The following OLFM2 variants were observed in gnomAD, a reference collection of about 807,000 sequenced individuals.
OLFM2 encodes the protein noelin-2.
In OLFM2, 20 loss-of-function variants were observed where a neutral mutation model predicts 43.9. That is an observed-to-expected ratio of 0.46 (90% CI 0.32 to 0.66). The LOEUF (loss-of-function observed/expected upper bound fraction) is 0.66. Among genes scored for constraint, OLFM2 ranks in the 30% least tolerant of loss-of-function variants. OLFM2 has a pLI of 0.04. For missense variants in OLFM2, 416 were observed against 643.6 expected, an observed-to-expected ratio of 0.65 and a Z score of 3.83; for synonymous variants, 268 against 278.6, an observed-to-expected ratio of 0.96 and a Z score of 0.38.
Position 9,854,893 on chromosome 19 carries a change from G to C in OLFM2, c.688-30C>G. ...GGTAGCAGCCGCTGGTCACTGGGGG[G>C]AACCACCACCAACGACCCAAGGGTC... On this transcript the variant is annotated intron_variant, in intron 5 of 5. Coordinates refer to ENST00000264833, the MANE Select transcript of OLFM2 (RefSeq NM_058164.4). This position sits in a 1 kb window ranked among gnomAD's most constrained non-coding sequence, Gnocchi z 9.5. The C allele has an allele frequency of 6.6e-7, 1 of 1,515,532 alleles. No individual in the cohort carries two copies. The allele number at this position is 1,515,532 out of a possible 1,614,324, so 93.9% of individuals were successfully genotyped here. A position where few individuals can be genotyped will look rare whatever the true frequency, so the allele number is the denominator to read the frequency against.
In OLFM2 at chr19:9,853,923, C is replaced by G; in HGVS notation, c.*263G>C. The G allele has an allele frequency of 1.7e-6, 1 of 577,072 alleles. No individual in the cohort carries two copies. Among genetic ancestry groups the G allele is most frequent in the Non-Finnish European group, 3.0e-6 (1 of 328,032 alleles). 35.7% of individuals were successfully genotyped at this position (577,072 alleles called of 1,614,324 possible). A position where few individuals can be genotyped will look rare whatever the true frequency, so the allele number is the denominator to read the frequency against. ...GCAGAGACGGAAAGAACTGGAGAAC[C>G]AGAGCCATAAAAAGAAAAAGACATC... is the stretch of plus-strand genomic sequence containing the variant. On this transcript the variant is annotated 3_prime_UTR_variant, in exon 6 of 6. Coordinates refer to ENST00000264833, the MANE Select transcript of OLFM2 (RefSeq NM_058164.4).
chr19:9,876,227 C>T (rs908995651), intron 1 of OLFM2, among the ~76,000 whole-genome samples: 2 of 152,152 alleles, frequency 1.3e-5, no homozygotes, highest in Admixed American at 6.5e-5. Context: ...TGGGGCTGGG[C>T]GCTTTGGCCG....
At chr19:9,914,078 C>A (rs1599497880) in intron 1 of OLFM2, among the ~76,000 whole-genome samples, 3 of 150,562 alleles carry the variant, frequency 2.0e-5, no homozygotes, top group African/African-American at 7.3e-5. Flanking sequence ...CGCCCCCCAA[C>A]GGTATTCCCG....
intron 1 of OLFM2, among the ~76,000 whole-genome samples, chr19:9,915,652 G>T (rs1197270690): frequency 2.0e-5 from 3 of 151,948 alleles, no homozygotes; most frequent in African/African-American, 4.8e-5. Context: ...CGAGTAGCTG[G>T]GACTACAGGC....
At chr19:9,931,844 T>C (rs1191162874) in intron 1 of OLFM2, among the ~76,000 whole-genome samples, 2 of 152,134 alleles carry the variant, frequency 1.3e-5, no homozygotes, top group Non-Finnish European at 2.9e-5. Flanking sequence ...GCTGGGATCA[T>C]AGGTATCAGC....
chr19:9,897,424 G>T (rs996020844), intron 1 of OLFM2, among the ~76,000 whole-genome samples: 1 of 152,090 alleles, frequency 6.6e-6, no homozygotes, highest in Non-Finnish European at 1.5e-5. Context: ...CTGAGCCTAG[G>T]GAGGTTGAGG....
intron 1 of OLFM2, among the ~76,000 whole-genome samples, chr19:9,930,741 C>G (rs1160178847): frequency 6.6e-6 from 1 of 151,582 alleles, no homozygotes; most frequent in African/African-American, 2.4e-5. Flanking sequence ...ATAATCCCAG[C>G]TACTCGAGAG....
At position 9,857,021 on chromosome 19, in the gene OLFM2, G is replaced by A; in HGVS notation, c.581-108C>T. The A allele has an allele frequency of 1.0e-6, 1 of 999,570 alleles. No homozygotes were observed. The highest frequency in any genetic ancestry group is 2.6e-5 in the East Asian group (1 of 37,990). 61.9% of individuals were successfully genotyped at this position (999,570 alleles called of 1,614,324 possible). A position where few individuals can be genotyped will look rare whatever the true frequency, so the allele number is the denominator to read the frequency against. ...AGTTGGGAAAGCTGGGACCAGGGAT[G>A]AGGGAAGACTCAAAAATCTGGTCCC... On this transcript the variant is annotated intron_variant, in intron 4 of 5. Coordinates refer to ENST00000264833, the MANE Select transcript of OLFM2 (RefSeq NM_058164.4). This position sits in a 1 kb window ranked among gnomAD's most constrained non-coding sequence, Gnocchi z 5.7.
At chr19:9,888,142 A>G (rs1169733602) in intron 1 of OLFM2, among the ~76,000 whole-genome samples, 2 of 152,040 alleles carry the variant, frequency 1.3e-5, no homozygotes, top group Non-Finnish European at 2.9e-5. Context: ...TTTCTTCTAT[A>G]TCACCTCTTT....
rs551185992 is a variant in OLFM2 at position 9,889,081 on chromosome 19, A to G, written c.64-28287T>C. Among the ~76,000 whole-genome samples the G allele has an allele frequency of 1.9e-4, 29 of 151,776 alleles. No individual in the cohort carries two copies. In the South Asian group the frequency reaches 5.4e-3, roughly 28 times the overall value. On this transcript the variant is annotated intron_variant, in intron 1 of 5. Coordinates refer to ENST00000264833, the MANE Select transcript of OLFM2 (RefSeq NM_058164.4). ...ACTCCGTCTCAAAAAAAAAAAAACA[A>G]TTCTGCACAACAACCATATGAGGTA...
At chr19:9,898,943 G>A (rs2046708588) in intron 1 of OLFM2, among the ~76,000 whole-genome samples, 1 of 152,084 alleles carries the variant, frequency 6.6e-6, no homozygotes, top group African/African-American at 2.4e-5. Flanking sequence ...TAAATAATGT[G>A]AATCAGATCA....
intron 1 of OLFM2, among the ~76,000 whole-genome samples, chr19:9,882,099 T>A (rs8106683): frequency 6.6e-6 from 1 of 151,900 alleles, no homozygotes; most frequent in Non-Finnish European, 1.5e-5. Context: ...ATTAGCCAGG[T>A]GTGGTGGCTC....
In OLFM2 at chr19:9,856,927, A is replaced by G; in HGVS notation, c.581-14T>C. On this transcript the variant is annotated splice_polypyrimidine_tract_variant and intron_variant, in intron 4 of 5. Coordinates refer to ENST00000264833, the MANE Select transcript of OLFM2 (RefSeq NM_058164.4). This position sits in a 1 kb window ranked among gnomAD's most constrained non-coding sequence, Gnocchi z 4.0. The stretch of plus-strand genomic sequence containing the variant: ...GCTTCCCACAGCCTGGGAGGCAGGA[A>G]CAGGGGGAATGAGGATGGGGAAATG... 10 of 1,588,020 alleles carry G rather than the reference A, an allele frequency of 6.3e-6. No individual in the cohort carries two copies. The highest frequency in any genetic ancestry group is 8.6e-6 in the Non-Finnish European group (10 of 1,163,264).
intron 1 of OLFM2, among the ~76,000 whole-genome samples, chr19:9,869,090 A>G (rs888528064): frequency 1.3e-5 from 2 of 151,340 alleles, no homozygotes; most frequent in Non-Finnish European, 2.9e-5. Context: ...CAATCAGCAT[A>G]TGGCCGGGCC....
chr19:9,866,168 G>T (rs1319636372), intron 1 of OLFM2, among the ~76,000 whole-genome samples: 1 of 152,218 alleles, frequency 6.6e-6, no homozygotes, highest in Non-Finnish European at 1.5e-5. Flanking sequence ...AAATGCCTGG[G>T]TTTTGGCTGC....
intron 1 of OLFM2, among the ~76,000 whole-genome samples, chr19:9,923,751 T>C (rs369884894): frequency 7.9e-5 from 12 of 152,086 alleles, no homozygotes; most frequent in Admixed American, 2.6e-4. Context: ...CAAGCGATCC[T>C]CCCAAGTAGC....
intron 1 of OLFM2, chr19:9,913,885 C>T (rs2046852535): frequency 6.3e-6 from 1 of 158,594 alleles, no homozygotes; most frequent in Non-Finnish European, 1.3e-5. Flanking sequence ...CACTTCCAGC[C>T]GCCGTGACGT....
At chr19:9,901,946 CACAA>C (rs1181164424) in intron 1 of OLFM2, among the ~76,000 whole-genome samples, 7 of 152,188 alleles carry the variant, frequency 4.6e-5, no homozygotes, top group Admixed American at 1.3e-4. Flanking sequence ...CACACATGTT[CACAA>C]ACATTCTATT....
At position 9,857,553 on chromosome 19, in the gene OLFM2, G is replaced by A; in HGVS notation, c.361-71C>T. On this transcript the variant is annotated intron_variant, in intron 3 of 5. Transcript: ENST00000264833. This position sits in a 1 kb window ranked among gnomAD's most constrained non-coding sequence, Gnocchi z 5.7. Reference sequence around the variant, plus strand: ...TGACCCAGACATGACTCCAACCTCTGACTCATAACTTCACCCTTTGTCTTT... The same window carrying A: ...TGACCCAGACATGACTCCAACCTCTAACTCATAACTTCACCCTTTGTCTTT... 6.4e-7 allele frequency: 1 copy of A among 1,571,642 alleles called. No homozygotes were observed. The highest frequency in any genetic ancestry group is 8.7e-7 in the Non-Finnish European group (1 of 1,149,132).
Sources: gnomAD v4.1 joint callset for allele counts (sites outside exome capture counted in the v4.1 genomes callset) on GRCh38, gnomAD v4.1.1 for gene constraint, Gnocchi (gnomAD v3.1) non-coding constraint, MANE v1.5 for transcripts, NCBI Gene and HGNC (gene_info 2026-07-23, HGNC 2026-07-21) for gene names.